MRPL58: variants seen among roughly 807,000 people sequenced by gnomAD.
The protein encoded by MRPL58 is large ribosomal subunit protein mL62.
In MRPL58, 17 loss-of-function variants were observed where a neutral mutation model predicts 26.0. The ratio of observed to expected loss-of-function variants is 0.65; its 90% CI spans 0.45 to 0.98. MRPL58 has a LOEUF of 0.98. Ranked by LOEUF, MRPL58 falls within the 50% of genes least tolerant of loss-of-function variation. The pLI, the probability that MRPL58 is intolerant of heterozygous loss-of-function variation, is 0.00. For missense variants in MRPL58, 250 were observed against 269.0 expected (o/e 0.93, Z 0.49); for synonymous variants, 100 against 99.7 (o/e 1.00, Z -0.02).
At chr17:75,020,760 A>C in intron 5 of MRPL58, 103 bp downstream of exon 5, 1 of 1,334,594 alleles carries the variant, frequency 7.5e-7, no homozygotes, top group Non-Finnish European at 1.1e-6. Context: ...CCTTGGGAGA[A>C]ACTCTAGGAA....
intron 1 of MRPL58, among the ~76,000 whole-genome samples, chr17:75,014,205 A>C (rs1228228486): frequency 1.7e-5 from 1 of 57,198 alleles, no homozygotes; most frequent in African/African-American, 6.8e-5. Context: ...TTTTTTTTTG[A>C]GACGGAGTCT....
rs1359580925 is a variant in MRPL58 at position 75,020,549 on chromosome 17, A to C, written c.428A>C (p.Gln143Pro). 13 of 1,614,106 alleles carry C rather than the reference A, an allele frequency of 8.1e-6. No homozygotes were observed. The highest frequency in any genetic ancestry group is 1.0e-5 in the Non-Finnish European group (12 of 1,180,036). The change falls in exon 5 of 6, where the codon CAG becomes CCG. Residue 143 changes from glutamine to proline, a missense_variant. Coordinates refer to ENST00000301585, the MANE Select transcript of MRPL58 (RefSeq NM_001545.3). ...LILTSESSRY[Q>P]FRNLADCLQK... ...CTCACCTCTGAGAGCAGCCGCTATC[A>C]GTTCCGGAATCTGGCAGATTGCCTG...
At chr17:75,016,991 C>A in intron 1 of MRPL58, 87 bp from the exon 2 acceptor site, 1 of 956,198 alleles carries the variant, frequency 1.0e-6, no homozygotes, top group Non-Finnish European at 1.7e-6. Context: ...TGTGTTGTGG[C>A]TTTACATCAT....
chr17:75,020,729 C>G, intron 5 of MRPL58, 72 bp downstream of exon 5: 1 of 1,512,480 alleles, frequency 6.6e-7, no homozygotes, highest in Non-Finnish European at 9.2e-7. Context: ...AAGGAAGGGG[C>G]AGGGGAGAGT....
intron 5 of MRPL58, 26 bp downstream of exon 5, chr17:75,020,683 A>G (rs1177715869): frequency 1.2e-6 from 2 of 1,609,550 alleles, no homozygotes; most frequent in Admixed American, 1.7e-5. Flanking sequence ...CTAAGATGCT[A>G]TAAACTGATT....
chr17:75,015,479 C>T (rs546319569), intron 1 of MRPL58, among the ~76,000 whole-genome samples: 3 of 152,206 alleles, frequency 2.0e-5, no homozygotes, highest in Admixed American at 2.0e-4. Context: ...CTTAAGACTC[C>T]ATCTCAAAAC....
At chr17:75,014,320 G>A (rs1364721758) in intron 1 of MRPL58, among the ~76,000 whole-genome samples, 2 of 150,202 alleles carry the variant, frequency 1.3e-5, no homozygotes, top group Non-Finnish European at 3.0e-5. Flanking sequence ...TGAGTAGCTG[G>A]GACTACAGGC....
rs546142330 is a variant in MRPL58, at chr17:75,020,238, G to A, written c.284-75G>A. 6.1e-5 allele frequency: 70 copies of A among 1,139,270 alleles called. No individual in the cohort carries two copies. The South Asian group carries it at 7.2e-4, about 12-fold the overall frequency. 70.6% of individuals were successfully genotyped at this position (1,139,270 alleles called of 1,614,324 possible). A position where few individuals can be genotyped will look rare whatever the true frequency, so the allele number is the denominator to read the frequency against. On this transcript the variant is annotated intron_variant, in intron 3 of 5. Coordinates refer to ENST00000301585, the MANE Select transcript of MRPL58 (RefSeq NM_001545.3). ...TCTGGCCTCCCTTTATTTCAGAATGGTCACTGGTCACCCAGGGGTTGATCC... is the reference window on the plus strand; with the variant it reads ...TCTGGCCTCCCTTTATTTCAGAATGATCACTGGTCACCCAGGGGTTGATCC...
At chr17:75,014,441 C>CA (rs2039958981) in intron 1 of MRPL58, among the ~76,000 whole-genome samples, 1 of 76,236 alleles carries the variant, frequency 1.3e-5, no homozygotes, top group Non-Finnish European at 2.5e-5. Flanking sequence ...CCGCGCCAGG[C>CA]TTTTTTTTTT....
rs1306356176 is a variant in MRPL58, at chr17:75,012,734, C to T, written c.48C>T (p.Val16=). Residue 16 remains valine (V), a synonymous_variant, in exon 1 of 6, where the codon GTC becomes GTT. Coordinates refer to ENST00000301585, the MANE Select transcript of MRPL58 (RefSeq NM_001545.3). ...GCTGGGGCCTGAGCCGAGCCGGAGTCTGGCTGCTCCCACCGCCCGCACGGT... is the reference window on the plus strand; with the variant it reads ...GCTGGGGCCTGAGCCGAGCCGGAGTTTGGCTGCTCCCACCGCCCGCACGGT... ...CLRWGLSRAG[V]WLLPPPARCP... The T allele has an allele frequency of 1.3e-6, 2 of 1,582,272 alleles. No individual in the cohort carries two copies. Among genetic ancestry groups the T allele is most frequent in the East Asian group, 2.3e-5 (1 of 42,754 alleles).
rs1567981395 is a variant in MRPL58 at position 75,020,580 on chromosome 17, A to G, written c.459A>G (p.Lys153=). Residue 153 remains lysine, a synonymous_variant, in exon 5 of 6, where the codon AAA becomes AAG. Transcript: ENST00000301585. The part of the protein sequence containing the change: ...QFRNLADCLQ[K]IRDMITEASQ... Reference sequence around the variant, plus strand: ...GGAATCTGGCAGATTGCCTGCAGAAAATTCGAGACATGATCACTGAGGCCA... The same window carrying G: ...GGAATCTGGCAGATTGCCTGCAGAAGATTCGAGACATGATCACTGAGGCCA... The G allele has an allele frequency of 5.0e-6, 8 of 1,614,166 alleles. No homozygotes were observed. The highest frequency in any genetic ancestry group is 3.3e-4 in the Middle Eastern group (2 of 6,062).
chr17:75,016,990 G>T (rs930461207), intron 1 of MRPL58, 88 bp from the exon 2 acceptor site: 3 of 942,928 alleles, frequency 3.2e-6, no homozygotes, highest in Non-Finnish European at 5.3e-6. Flanking sequence ...TTGTGTTGTG[G>T]CTTTACATCA....
At chr17:75,020,801 C>A in intron 5 of MRPL58, 120 bp from the exon 6 acceptor site, 1 of 1,218,174 alleles carries the variant, frequency 8.2e-7, no homozygotes, top group Non-Finnish European at 1.2e-6. Flanking sequence ...GGACCGAGGC[C>A]TGCGGGCTAG....
At chr17:75,017,335 G>A (rs764532626) in intron 2 of MRPL58, among the ~76,000 whole-genome samples, 27 of 152,012 alleles carry the variant, frequency 1.8e-4, no homozygotes, top group African/African-American at 2.7e-4. Flanking sequence ...CCTGTTGGCC[G>A]GGCATGGTGT....
intron 2 of MRPL58, chr17:75,018,526 C>T (rs1312308065): frequency 5.9e-5 from 9 of 152,122 alleles, no homozygotes; most frequent in Non-Finnish European, 1.2e-4. Flanking sequence ...GCCACCGTGC[C>T]CAGCCTGAAA....
chr17:75,012,680 C>T lies in MRPL58; in HGVS notation c.-7C>T, dbSNP rs1458642215. ...GCGCCCGCCGGAAGCAGTCGCAAGACCTGAGCATGGCGGCCACCAGGTGCC... is the reference window on the plus strand; with the variant it reads ...GCGCCCGCCGGAAGCAGTCGCAAGATCTGAGCATGGCGGCCACCAGGTGCC... On this transcript the variant is annotated 5_prime_UTR_variant, in exon 1 of 6. Coordinates refer to ENST00000301585, the MANE Select transcript of MRPL58 (RefSeq NM_001545.3). 2 of 1,541,670 alleles carry T rather than the reference C, an allele frequency of 1.3e-6. No homozygotes were observed. Among genetic ancestry groups the T allele is most frequent in the Admixed American group, 4.0e-5 (2 of 50,134 alleles).
chr17:75,021,110 A>T lies in MRPL58; in HGVS notation c.*105A>T. 5 of 738,646 alleles carry T rather than the reference A, an allele frequency of 6.8e-6. No individual in the cohort carries two copies. Among genetic ancestry groups the T allele is most frequent in the Non-Finnish European group, 1.2e-5 (5 of 418,374 alleles). 45.8% of individuals were successfully genotyped at this position (738,646 alleles called of 1,614,324 possible). On this transcript the variant is annotated 3_prime_UTR_variant, in exon 6 of 6. Coordinates refer to ENST00000301585, the MANE Select transcript of MRPL58 (RefSeq NM_001545.3). ...TTTCTGTTTTTCTTTTTGGCTGTTAATGCTTGTCTATAACATTGGAGCCAT... is the reference window on the plus strand; with the variant it reads ...TTTCTGTTTTTCTTTTTGGCTGTTATTGCTTGTCTATAACATTGGAGCCAT...
At chr17:75,017,713 A>C (rs1419362386) in intron 2 of MRPL58, among the ~76,000 whole-genome samples, 1 of 152,034 alleles carries the variant, frequency 6.6e-6, no homozygotes, top group Non-Finnish European at 1.5e-5. Context: ...CTGCCATTGC[A>C]CTCCAGCCTG....
At chr17:75,012,930 G>C in intron 1 of MRPL58, 58 bp downstream of exon 1, 1 of 1,503,506 alleles carries the variant, frequency 6.7e-7, no homozygotes, top group Admixed American at 2.0e-5. Context: ...GGTGACGTTA[G>C]GAACCCCAGG....
Sources: allele counts gnomAD v4.1 joint callset (sites outside exome capture counted in the v4.1 genomes callset), GRCh38; gene constraint gnomAD v4.1.1; transcripts MANE v1.5; gene names NCBI Gene and HGNC (gene_info 2026-07-23, HGNC 2026-07-21).